C1orf54: variants seen among roughly 807,000 people sequenced by gnomAD.
The protein encoded by C1orf54 is chromosome 1 open reading frame 54.
A neutral mutation model predicts 14.7 loss-of-function variants in C1orf54; 12 were observed. That is an observed-to-expected ratio of 0.82 (90% CI 0.52 to 1.32). The LOEUF is 1.32. Ranked by LOEUF, C1orf54 falls within the 40% of genes most tolerant of loss-of-function variation. C1orf54 has a pLI of 0.00. For synonymous variants in C1orf54, 65 were observed against 56.3 expected, an observed-to-expected ratio of 1.16 and a Z score of -0.70; for missense variants, 163 against 162.2, an observed-to-expected ratio of 1.00 and a Z score of -0.03.
chr1:150,273,297 G>A (rs1652364099), intron 1 of C1orf54, among the ~76,000 whole-genome samples: 1 of 152,260 alleles, frequency 6.6e-6, no homozygotes, highest in African/African-American at 2.4e-5. Flanking sequence ...CTTTAGGGTA[G>A]TGGAAAACTG....
At chr1:150,275,042 A>AT (rs1489815798) in intron 2 of C1orf54, among the ~76,000 whole-genome samples, 6 of 36,040 alleles carry the variant, frequency 1.7e-4, no homozygotes, top group Admixed American at 3.8e-4. Flanking sequence ...ATAGAAAAAA[A>AT]AATTTTTTTT....
At chr1:150,275,939 C>A (rs1652611053) in intron 3 of C1orf54, 140 bp downstream of exon 3, 2 of 638,472 alleles carry the variant, frequency 3.1e-6, no homozygotes, top group Non-Finnish European at 5.3e-6. Flanking sequence ...GAGTTTGAGA[C>A]CAGCCTGGCC....
At chr1:150,276,113 TG>T (rs1489182589) in intron 3 of C1orf54, among the ~76,000 whole-genome samples, 9 of 150,118 alleles carry the variant, frequency 6.0e-5, no homozygotes, top group Non-Finnish European at 1.2e-4. Context: ...CACTCCAGCC[TG>T]GGTGACAGAT....
At chr1:150,271,551 T>G (rs587702518), upstream of C1orf54, among the ~76,000 whole-genome samples, 5 of 152,364 alleles carry the variant, frequency 3.3e-5, no homozygotes, top group South Asian at 8.3e-4. Flanking sequence ...TTAACTTCCC[T>G]TAAGAACAAA....
In C1orf54 at chr1:150,280,744, T is replaced by C. The variant is rs781802512; in HGVS notation, c.*4-91T>C. The C allele has an allele frequency of 3.5e-4, 347 of 997,974 alleles. 1 individual carries two copies. The highest frequency in any genetic ancestry group is 5.1e-4 in the Non-Finnish European group (337 of 661,240). The allele number at this position is 997,974 out of a possible 1,614,324, so 61.8% of individuals were successfully genotyped here. A position where few individuals can be genotyped will look rare whatever the true frequency, so the allele number is the denominator to read the frequency against. On this transcript the variant is annotated intron_variant, in intron 5 of 5. Transcript: ENST00000369099. ...CACAGAGCAATCCCAGCTCAGAATA[T>C]CTGGGGAGTTTCCATAGAGTGTGGG... is the stretch of plus-strand genomic sequence containing the variant.
At position 150,276,667 on chromosome 1, in the gene C1orf54, C is replaced by A. The variant is rs782731510; in HGVS notation, c.300+35C>A. 2.2e-5 allele frequency: 33 copies of A among 1,520,500 alleles called. No homozygotes were observed. In the East Asian group the frequency reaches 4.7e-4, roughly 22 times the overall value. The allele number at this position is 1,520,500 out of a possible 1,614,324, so 94.2% of individuals were successfully genotyped here. A position where few individuals can be genotyped will look rare whatever the true frequency, so the allele number is the denominator to read the frequency against. On this transcript the variant is annotated intron_variant, in intron 4 of 5. Coordinates refer to ENST00000369099, the MANE Select transcript of C1orf54 (RefSeq NM_024579.4). ...TTGGGGATTGGGGGCTGGGGGGAGA[C>A]AGGACATCCCTAGTGACGTGGAATA...
At chr1:150,270,597 C>G (rs988535323), upstream of C1orf54, among the ~76,000 whole-genome samples, 2 of 151,740 alleles carry the variant, frequency 1.3e-5, no homozygotes, top group Admixed American at 1.3e-4. Context: ...GAGCTGAGAT[C>G]CCACCACTGC....
chr1:150,268,894 G>A, upstream of C1orf54: 1 of 1,245,076 alleles, frequency 8.0e-7, no homozygotes, highest in Non-Finnish European at 1.1e-6. Flanking sequence ...TCCGCGTGGG[G>A]TGGCAACGCG....
upstream of C1orf54, among the ~76,000 whole-genome samples, chr1:150,271,976 C>A (rs1652233820): frequency 6.6e-6 from 1 of 152,140 alleles, no homozygotes; most frequent in Non-Finnish European, 1.5e-5. Flanking sequence ...CCCGTCTCTA[C>A]TAAAAATACA....
At chr1:150,272,590 T>G (rs1652287034), upstream of C1orf54, 1 of 564,588 alleles carries the variant, frequency 1.8e-6, no homozygotes, top group African/African-American at 1.9e-5. Flanking sequence ...GAAACATGTT[T>G]GCATCAAAAC....
At chr1:150,278,179 G>A (rs1476163723) in intron 4 of C1orf54, among the ~76,000 whole-genome samples, 4 of 152,296 alleles carry the variant, frequency 2.6e-5, no homozygotes, top group South Asian at 2.1e-4. Context: ...TGAGATTTGC[G>A]TTGTTCCAGA....
At chr1:150,269,657 C>T (rs1652059425), upstream of C1orf54, 1 of 152,076 alleles carries the variant, frequency 6.6e-6, no homozygotes, top group African/African-American at 2.4e-5. Context: ...CCCACCCCAC[C>T]CCCGCCATAA....
chr1:150,272,778 T>C (rs587735018), upstream of C1orf54: 4 of 1,611,930 alleles, frequency 2.5e-6, no homozygotes, highest in East Asian at 8.9e-5. Flanking sequence ...AACTCTGTAA[T>C]TTCCTTTTTT....
chr1:150,275,842 T>C, intron 3 of C1orf54, 43 bp downstream of exon 3: 4 of 1,555,158 alleles, frequency 2.6e-6, no homozygotes, highest in Non-Finnish European at 3.5e-6. Context: ...TAAGTAACAA[T>C]TAAAAAGAAA....
At chr1:150,270,944 C>T (rs1652163303), upstream of C1orf54, among the ~76,000 whole-genome samples, 1 of 126,670 alleles carries the variant, frequency 7.9e-6, no homozygotes, top group Non-Finnish European at 1.6e-5. Context: ...TGCAGTGAGC[C>T]GAGATCGTGC....
intron 5 of C1orf54, among the ~76,000 whole-genome samples, 188 bp from the exon 6 acceptor site, chr1:150,280,647 A>G (rs1653021684): frequency 6.6e-6 from 1 of 152,184 alleles, no homozygotes; most frequent in African/African-American, 2.4e-5. Context: ...ACCATTGATC[A>G]TAGAGAGATT....
In C1orf54 at chr1:150,274,913, A is replaced by AAG. The variant is rs1491559517; in HGVS notation, c.130+744_130+745insGA. On this transcript the variant is annotated intron_variant, in intron 2 of 5. Transcript: ENST00000369099. ...GGGCGACAGAATGAGACTACGTCAC[A>AAG]AAAAAAAAAAAAGACTCATGATGAT... 1.9e-3 allele frequency among the ~76,000 whole-genome samples: 3 copies of AAG among 1,584 alleles called. No individual in the cohort carries two copies. The African/African-American group carries it at 0.079, about 42-fold the overall frequency. 1.0% of individuals were successfully genotyped at this position (1,584 alleles called of 152,430 possible). A position where few individuals can be genotyped will look rare whatever the true frequency, so the allele number is the denominator to read the frequency against.
upstream of C1orf54, chr1:150,268,993 A>C (rs1434377551): frequency 3.6e-6 from 2 of 557,968 alleles, no homozygotes; most frequent in African/African-American, 3.8e-5. Flanking sequence ...GGTCCGCGCC[A>C]CTTCCTCTAC....
At chr1:150,273,973 G>C (rs1652421085) in intron 1 of C1orf54, 114 bp from the exon 2 acceptor site, 1 of 705,694 alleles carries the variant, frequency 1.4e-6, no homozygotes, top group Non-Finnish European at 2.5e-6. Context: ...GAGAGAGAGA[G>C]AGAGAAAAGA....
Sources: allele counts gnomAD v4.1 joint callset (sites outside exome capture counted in the v4.1 genomes callset), GRCh38; gene constraint gnomAD v4.1.1; transcripts MANE v1.5; gene names NCBI Gene and HGNC (gene_info 2026-07-23, HGNC 2026-07-21).